The following DPYD variants were observed in gnomAD, a reference collection of about 807,000 sequenced individuals.
DPYD encodes dihydropyrimidine dehydrogenase [NADP(+)].
A neutral mutation model predicts 116.2 loss-of-function variants in DPYD; 109 were observed. The ratio of observed to expected loss-of-function variants is 0.94; its 90% CI spans 0.80 to 1.10. The LOEUF (loss-of-function observed/expected upper bound fraction) is 1.10, where lower values mean the gene tolerates loss of function less well. DPYD is among the 50% of genes least tolerant of loss of function. The probability of loss-of-function intolerance (pLI) is 0.00; values close to 1 mark genes in which losing one functional copy is unlikely to be tolerated. For synonymous variants in DPYD, 440 were observed against 432.0 expected (o/e 1.02, Z -0.23); for missense variants, 1,302 against 1,254.5 (o/e 1.04, Z -0.57).
chr1:97,774,235 ATGCAAAACTGTAGGATC>A (rs1397127634), intron 3 of DPYD, among the ~76,000 whole-genome samples: 1 of 152,136 alleles, frequency 6.6e-6, no homozygotes, highest in Non-Finnish European at 1.5e-5. Context: ...GAGAGTATGA[ATGCAAAACTGTAGGATC>A]TGCCACTCTT....
At chr1:97,782,678 C>G (rs1448223532) in intron 3 of DPYD, among the ~76,000 whole-genome samples, 1 of 152,188 alleles carries the variant, frequency 6.6e-6, no homozygotes, top group Non-Finnish European at 1.5e-5. Flanking sequence ...AAAAACAACT[C>G]AGAAATTGAC....
At chr1:97,847,844 C>A (rs1670381030) in intron 2 of DPYD, among the ~76,000 whole-genome samples, 1 of 152,050 alleles carries the variant, frequency 6.6e-6, no homozygotes, top group Non-Finnish European at 1.5e-5. Flanking sequence ...GGAAAAGATT[C>A]TCAGAATCAA....
At chr1:97,081,894 T>C (rs1368717495) in intron 22 of DPYD, among the ~76,000 whole-genome samples, 1 of 152,072 alleles carries the variant, frequency 6.6e-6, no homozygotes, top group Non-Finnish European at 1.5e-5. Context: ...TTTCTGACTG[T>C]AGTAAAAGCC....
At chr1:97,714,790 A>G (rs1424875890) in intron 5 of DPYD, among the ~76,000 whole-genome samples, 3 of 152,118 alleles carry the variant, frequency 2.0e-5, no homozygotes, top group Non-Finnish European at 4.4e-5. Context: ...GCTAGCCTAG[A>G]AGATGCAACA....
rs36081268 is a variant in DPYD, at chr1:97,800,166, C to T, written c.233+27948G>A. On this transcript the variant is annotated intron_variant, in intron 3 of 22. Transcript: ENST00000370192. Reference sequence around the variant, plus strand: ...TAATACCTACTTCATAGGAGTGTCACAAGAATTGAGTAAATATATGTAAAA... The same window carrying T: ...TAATACCTACTTCATAGGAGTGTCATAAGAATTGAGTAAATATATGTAAAA... Among the ~76,000 whole-genome samples, 1,433 of 151,936 alleles carry T rather than the reference C, an allele frequency of 9.4e-3. 15 individuals carry two copies. Among genetic ancestry groups the T allele is most frequent in the Middle Eastern group, 0.037 (11 of 294 alleles).
intron 13 of DPYD, among the ~76,000 whole-genome samples, chr1:97,458,599 G>A (rs1437299682): frequency 1.3e-5 from 2 of 152,158 alleles, no homozygotes; most frequent in Admixed American, 1.3e-4. Context: ...CAAAGTCTGG[G>A]ACTGAGCACG....
intron 9 of DPYD, among the ~76,000 whole-genome samples, chr1:97,594,128 T>A (rs1004029168): frequency 2.0e-5 from 3 of 152,170 alleles, no homozygotes; most frequent in African/African-American, 7.2e-5. Context: ...ATAATAAGAT[T>A]AAATAAAACT....
chr1:97,805,204 T>C (rs1668023154), intron 3 of DPYD, among the ~76,000 whole-genome samples: 1 of 151,720 alleles, frequency 6.6e-6, no homozygotes, highest in African/African-American at 2.4e-5. Flanking sequence ...CAATCAAATG[T>C]CAAACAAACA....
At chr1:97,527,537 C>T (rs557949419) in intron 12 of DPYD, among the ~76,000 whole-genome samples, 220 of 152,170 alleles carry the variant, frequency 1.4e-3, no homozygotes, top group Non-Finnish European at 2.5e-3. Flanking sequence ...ATACCCTATT[C>T]AAATATCATT....
chr1:97,544,614 T>C (rs887493174), intron 12 of DPYD, among the ~76,000 whole-genome samples: 3 of 152,056 alleles, frequency 2.0e-5, no homozygotes, highest in African/African-American at 7.2e-5. Context: ...ATAATTTCTT[T>C]TTTTTTCCAG....
intron 8 of DPYD, among the ~76,000 whole-genome samples, chr1:97,662,254 G>A (rs973333637): frequency 2.0e-5 from 3 of 150,860 alleles, no homozygotes; most frequent in Non-Finnish European, 4.4e-5. Context: ...CACCCGCCTC[G>A]GCCTCCCAAA....
intron 8 of DPYD, among the ~76,000 whole-genome samples, chr1:97,624,432 C>G (rs148314622): frequency 4.4e-4 from 67 of 152,010 alleles, no homozygotes; most frequent in African/African-American, 1.6e-3. Flanking sequence ...TCATCTCAAA[C>G]CTGTCAGAAT....
At chr1:97,319,395 G>A (rs1446102865) in intron 16 of DPYD, among the ~76,000 whole-genome samples, 5 of 127,624 alleles carry the variant, frequency 3.9e-5, no homozygotes, top group Admixed American at 1.6e-4. Context: ...AATGATAAAG[G>A]GGATATCACC....
At position 97,740,477 on chromosome 1, in the gene DPYD, C is replaced by A. The variant is rs1474728674; in HGVS notation, c.236G>T (p.Cys79Phe). 6.2e-7 allele frequency: 1 copy of A among 1,611,672 alleles called. No individual in the cohort carries two copies. Residue 79 changes from cysteine to phenylalanine, a missense_variant and splice_region_variant, in exon 4 of 23, where the codon TGC (cysteine) becomes TTC (phenylalanine). By Grantham distance (205) the Cys-to-Phe change is radical (BLOSUM62 -2). Coordinates refer to ENST00000370192, the MANE Select transcript of DPYD (RefSeq NM_000110.4). Reference protein sequence around the residue: ...ERGALREAMRCLKCADAPCQK... With the variant: ...ERGALREAMRFLKCADAPCQK... ...ACACGGGGCATCTGCACATTTCAGG[C>A]ATCTAGGAAATAAAATAACTATGTT... is the stretch of plus-strand genomic sequence containing the variant.
chr1:97,697,742 T>C, intron 6 of DPYD, among the ~76,000 whole-genome samples: 1 of 152,184 alleles, frequency 6.6e-6, no homozygotes, highest in East Asian at 1.9e-4. Context: ...TTATATGAAT[T>C]ACAAATGCCT....
intron 20 of DPYD, among the ~76,000 whole-genome samples, chr1:97,162,838 C>T (rs531225370): frequency 6.6e-6 from 1 of 151,816 alleles, no homozygotes; most frequent in African/African-American, 2.4e-5. Context: ...ATATCTACAA[C>T]TATCTGATCT....
At chr1:97,327,222 T>C (rs1668755059) in intron 16 of DPYD, among the ~76,000 whole-genome samples, 1 of 152,052 alleles carries the variant, frequency 6.6e-6, no homozygotes, top group Admixed American at 6.6e-5. Context: ...TCATTCCAGC[T>C]TTCTTATTTT....
chr1:97,317,974 C>G (rs1667967961), intron 16 of DPYD, among the ~76,000 whole-genome samples: 1 of 151,634 alleles, frequency 6.6e-6, no homozygotes, highest in East Asian at 1.9e-4. Flanking sequence ...CATATCCAGC[C>G]AAACTAAGCT....
intron 12 of DPYD, among the ~76,000 whole-genome samples, chr1:97,524,241 A>G (rs1205837954): frequency 6.6e-6 from 1 of 152,146 alleles, no homozygotes; most frequent in African/African-American, 2.4e-5. Flanking sequence ...TTATGTTTGT[A>G]TTTCACATAA....
Sources: gnomAD v4.1 joint callset for allele counts (sites outside exome capture counted in the v4.1 genomes callset) on GRCh38, gnomAD v4.1.1 for gene constraint, MANE v1.5 for transcripts, NCBI Gene and HGNC (gene_info 2026-07-23, HGNC 2026-07-21) for gene names.